Variants in LARP1B observed in about 807,000 individuals in gnomAD.
The protein encoded by LARP1B is la-related protein 1B.
A neutral mutation model predicts 114.2 loss-of-function variants in LARP1B; 76 were observed. That is an observed-to-expected ratio of 0.67 (90% CI 0.55 to 0.81). The LOEUF is 0.81. Among genes scored for constraint, LARP1B ranks in the 30% least tolerant of loss-of-function variants. The pLI, the probability that LARP1B is intolerant of heterozygous loss-of-function variation, is 0.00. For missense variants in LARP1B, 1,014 were observed against 1,075.8 expected (o/e 0.94, Z 0.80); for synonymous variants, 345 against 348.0 (o/e 0.99, Z 0.10).
At chr4:128,172,174 G>C (rs11936441) in intron 12 of LARP1B, among the ~76,000 whole-genome samples, 6,822 of 150,466 alleles carry the variant, frequency 0.045, 482 homozygotes, top group African/African-American at 0.15. Flanking sequence ...TTTTTTTTCT[G>C]TTGTTGAGGT....
intron 11 of LARP1B, among the ~76,000 whole-genome samples, chr4:128,150,317 G>T (rs536943015): frequency 5.4e-5 from 8 of 146,824 alleles, no homozygotes; most frequent in African/African-American, 1.5e-4. Flanking sequence ...TTCAGACAGG[G>T]TCTCACCCTG....
At chr4:128,155,377 C>T (rs1386482597) in intron 11 of LARP1B, 5 of 583,532 alleles carry the variant, frequency 8.6e-6, no homozygotes, top group African/African-American at 7.5e-5. Flanking sequence ...CGCGGAGCCG[C>T]CAGCCCGGGG....
chr4:128,194,682 CAAAAAAAAAAAAAAAA>C (rs56843140), intron 15 of LARP1B, among the ~76,000 whole-genome samples: 1 of 25,902 alleles, frequency 3.9e-5, no homozygotes, highest in Non-Finnish European at 6.1e-5. Context: ...GACTCTGTCT[CAAAAAAAAAAAAAAAA>C]AAAAAAAAAA....
chr4:128,122,394 C>A (rs1156998384), intron 11 of LARP1B: 3 of 1,472,252 alleles, frequency 2.0e-6, no homozygotes, highest in Non-Finnish European at 1.8e-6. Context: ...GTGATGAATA[C>A]TGTAATTACA....
At chr4:128,142,137 T>C (rs1728337739) in intron 11 of LARP1B, among the ~76,000 whole-genome samples, 1 of 152,194 alleles carries the variant, frequency 6.6e-6, no homozygotes, top group Admixed American at 6.5e-5. Flanking sequence ...GTGCACCAAG[T>C]TGAGAACCTG....
chr4:128,155,195 G>T (rs1734903649), intron 11 of LARP1B, among the ~76,000 whole-genome samples: 1 of 152,186 alleles, frequency 6.6e-6, no homozygotes. Context: ...TTAGGCTTTG[G>T]TTGTGCATCC....
At chr4:128,151,181 A>G (rs1561419987) in intron 11 of LARP1B, among the ~76,000 whole-genome samples, 1 of 152,174 alleles carries the variant, frequency 6.6e-6, no homozygotes, top group Non-Finnish European at 1.5e-5. Context: ...GCATATATAT[A>G]CATTTTTTCC....
chr4:128,071,611 G>A (rs1424762384), intron 1 of LARP1B, among the ~76,000 whole-genome samples: 1 of 151,380 alleles, frequency 6.6e-6, no homozygotes, highest in African/African-American at 2.4e-5. Flanking sequence ...TAGTAGAGAT[G>A]GGGTTTCACC....
chr4:128,159,464 A>G (rs908403685), intron 11 of LARP1B, among the ~76,000 whole-genome samples: 3 of 152,186 alleles, frequency 2.0e-5, no homozygotes, highest in African/African-American at 7.2e-5. Context: ...TGAGAATGTT[A>G]CATGATGGAA....
In LARP1B at chr4:128,135,779, CTGGGAAAGTGT is replaced by C. The variant is rs1187127779; in HGVS notation, c.1524+13594_1524+13604del. 2.0e-5 allele frequency among the ~76,000 whole-genome samples: 3 copies of C among 152,172 alleles called. No homozygotes were observed. In the South Asian group the frequency reaches 6.2e-4, roughly 32 times the overall value. On this transcript the variant is annotated intron_variant, in intron 11 of 19. Transcript: ENST00000326639. ...CCAGGAGCTGAAGGGAGGAGAGAAA[CTGGGAAAGTGT>C]TGCTTAATGGGTATAGGGTTTTATT...
intron 16 of LARP1B, among the ~76,000 whole-genome samples, chr4:128,199,904 A>G (rs1578666670): frequency 6.6e-6 from 1 of 152,086 alleles, no homozygotes; most frequent in Non-Finnish European, 1.5e-5. Flanking sequence ...TGGCCAACAT[A>G]GTGAAACTCC....
At chr4:128,163,059 G>A (rs963058266) in intron 12 of LARP1B, among the ~76,000 whole-genome samples, 3 of 151,906 alleles carry the variant, frequency 2.0e-5, no homozygotes, top group Admixed American at 1.3e-4. Flanking sequence ...ATTCCTTAAC[G>A]TTAGATATCT....
chr4:128,208,201 G>A (rs529088414), intron 19 of LARP1B, among the ~76,000 whole-genome samples: 63 of 151,948 alleles, frequency 4.1e-4, no homozygotes, highest in South Asian at 1.9e-3. Context: ...GATGGTGCAC[G>A]TGTGTAATCC....
At chr4:128,127,978 T>C (rs1199126146) in intron 11 of LARP1B, among the ~76,000 whole-genome samples, 2 of 152,160 alleles carry the variant, frequency 1.3e-5, no homozygotes, top group East Asian at 1.9e-4. Flanking sequence ...AATAAACATG[T>C]CTATTTTCAA....
intron 19 of LARP1B, among the ~76,000 whole-genome samples, chr4:128,209,403 A>G (rs1334650829): frequency 6.6e-6 from 1 of 152,218 alleles, no homozygotes; most frequent in Non-Finnish European, 1.5e-5. Context: ...CTTGGGCTAC[A>G]GAGTGAGACT....
At chr4:128,113,960 A>G (rs1324910935) in intron 9 of LARP1B, among the ~76,000 whole-genome samples, 1 of 151,850 alleles carries the variant, frequency 6.6e-6, no homozygotes, top group Non-Finnish European at 1.5e-5. Context: ...CTAATTTTGT[A>G]TTTTTAGTAG....
At chr4:128,064,295 G>C (rs1380987193) in intron 1 of LARP1B, among the ~76,000 whole-genome samples, 1 of 62,834 alleles carries the variant, frequency 1.6e-5, no homozygotes, top group Non-Finnish European at 3.9e-5. Context: ...AAAAAAGTAC[G>C]GTGATTGTTA....
chr4:128,214,305 C>T (rs1345998946), downstream of LARP1B, among the ~76,000 whole-genome samples: 1 of 148,352 alleles, frequency 6.7e-6, no homozygotes, highest in Admixed American at 6.8e-5. Flanking sequence ...CCCACCACAG[C>T]TCAAGGAGGC....
At chr4:128,147,121 T>G (rs1407864943) in intron 11 of LARP1B, among the ~76,000 whole-genome samples, 1 of 152,214 alleles carries the variant, frequency 6.6e-6, no homozygotes, top group Non-Finnish European at 1.5e-5. Flanking sequence ...GTGAACAGTG[T>G]TGAGGAGTGA....
Sources: allele counts gnomAD v4.1 joint callset (sites outside exome capture counted in the v4.1 genomes callset), GRCh38; gene constraint gnomAD v4.1.1; transcripts MANE v1.5; gene names NCBI Gene and HGNC (gene_info 2026-07-23, HGNC 2026-07-21).